The following ANK1 variants were observed in gnomAD, a reference collection of about 807,000 sequenced individuals.
ANK1 encodes ankyrin 1.
A neutral mutation model predicts 210.4 loss-of-function variants in ANK1; 51 were observed. The observed-to-expected ratio is 0.24, with a 90% confidence interval of 0.19 to 0.31. The LOEUF (loss-of-function observed/expected upper bound fraction) is 0.31. ANK1 is among the 10% of genes least tolerant of loss of function. The probability of loss-of-function intolerance (pLI) is 1.00; values close to 1 mark genes in which losing one functional copy is unlikely to be tolerated. For missense variants in ANK1, 2,051 were observed against 2,504.4 expected, an observed-to-expected ratio of 0.82 and a Z score of 3.86; for synonymous variants, 967 against 1,025.9, an observed-to-expected ratio of 0.94 and a Z score of 1.10.
At chr8:41,848,950 C>T (rs923678204) in intron 1 of ANK1, among the ~76,000 whole-genome samples, 1 of 152,212 alleles carries the variant, frequency 6.6e-6, no homozygotes, top group Non-Finnish European at 1.5e-5. Flanking sequence ...CCTGGTGCGA[C>T]CTGCCCCCAT....
intron 7 of ANK1, 27 bp downstream of exon 7, chr8:41,724,429 G>C: frequency 6.5e-7 from 1 of 1,537,858 alleles, no homozygotes; most frequent in Non-Finnish European, 8.8e-7. Flanking sequence ...CCCCCGGACA[G>C]TGAGGGCGCA....
intron 9 of ANK1, 68 bp from the exon 10 acceptor site, chr8:41,719,926 A>G: frequency 6.5e-7 from 1 of 1,543,632 alleles, no homozygotes; most frequent in Admixed American, 1.7e-5. Context: ...ATTCAGGACG[A>G]TTCCAACGTC....
chr8:41,665,979 G>GA (rs1810403073), intron 39 of ANK1: 1 of 152,244 alleles, frequency 6.6e-6, no homozygotes, highest in African/African-American at 2.4e-5. Context: ...GCTGCGGCTG[G>GA]AAAAAATTTC....
At chr8:41,703,438 ATATATATATATATT>A (rs1227376067) in intron 20 of ANK1, among the ~76,000 whole-genome samples, 2 of 68,534 alleles carry the variant, frequency 2.9e-5, no homozygotes, top group South Asian at 6.7e-4. Context: ...ATATATATAT[ATATATATATATATT>A]TTTTTTTTTT....
chr8:41,790,516 C>T (rs1847448664), intron 1 of ANK1, among the ~76,000 whole-genome samples: 2 of 151,918 alleles, frequency 1.3e-5, no homozygotes, highest in Admixed American at 1.3e-4. Context: ...AGCGAGCTTC[C>T]CCTTCCCTCC....
rs757201453 is a variant in ANK1 at position 41,655,586 on chromosome 8, ACAGT to A, written c.*200_*203del. ...ATTGAAGCCTGGAGGTCATGCGTCT[ACAGT>A]CAGTCATTCATGCCAAGAGGGGACT... On this transcript the variant is annotated 3_prime_UTR_variant, in exon 43 of 43. Transcript: ENST00000289734. 37 of 1,003,078 alleles carry A rather than the reference ACAGT, an allele frequency of 3.7e-5. No homozygotes were observed. Among genetic ancestry groups the A allele is most frequent in the Non-Finnish European group, 5.7e-5 (37 of 650,108 alleles). The allele number at this position is 1,003,078 out of a possible 1,614,324, so 62.1% of individuals were successfully genotyped here. A position where few individuals can be genotyped will look rare whatever the true frequency, so the allele number is the denominator to read the frequency against.
At chr8:41,690,433 T>G (rs755839838) in intron 32 of ANK1, 41 bp downstream of exon 32, 6 of 1,614,040 alleles carry the variant, frequency 3.7e-6, no homozygotes, top group Non-Finnish European at 4.2e-6. Flanking sequence ...CTCCCCAACT[T>G]TCTAGACCCA....
At chr8:41,764,987 G>A (rs1324880060) in intron 1 of ANK1, among the ~76,000 whole-genome samples, 1 of 152,172 alleles carries the variant, frequency 6.6e-6, no homozygotes, top group East Asian at 1.9e-4. Flanking sequence ...ATGTAGCATG[G>A]CCAGGATTTG....
chr8:41,799,923 C>T (rs185565034), upstream of ANK1, among the ~76,000 whole-genome samples: 160 of 152,252 alleles, frequency 1.1e-3, 1 homozygote, highest in Middle Eastern at 3.4e-3. Context: ...GAAGCAGCTG[C>T]CCCCGTGACA....
upstream of ANK1, among the ~76,000 whole-genome samples, chr8:41,800,049 C>T (rs1849620036): frequency 6.6e-6 from 1 of 152,102 alleles, no homozygotes; most frequent in Non-Finnish European, 1.5e-5. Flanking sequence ...TACCTTGTTT[C>T]CCTCGAGTCT....
At chr8:41,677,833 A>G (rs996638831) in intron 37 of ANK1, among the ~76,000 whole-genome samples, 1 of 151,552 alleles carries the variant, frequency 6.6e-6, no homozygotes, top group Non-Finnish European at 1.5e-5. Context: ...CAAGTGATCC[A>G]CCCACCTCGA....
chr8:41,664,874 C>G, intron 39 of ANK1: 2 of 1,614,002 alleles, frequency 1.2e-6, no homozygotes, highest in Admixed American at 1.7e-5. Flanking sequence ...GGCCCTCGCT[C>G]TCCCCCAGCT....
intron 1 of ANK1, chr8:41,829,047 T>A (rs1806076421): frequency 6.6e-6 from 1 of 152,280 alleles, no homozygotes; most frequent in African/African-American, 2.4e-5. Flanking sequence ...GTCTCGCGTC[T>A]AGACCGGTCC....
rs565713097 is a variant in ANK1, at chr8:41,871,598, C to T, written c.126+24757G>A. On this transcript the variant is annotated intron_variant, in intron 1 of 42. Transcript: ENST00000265709. ...AGTGCAAAAGATTGCCCACAGACCA[C>T]CAGGAGCCAGGAGAGGGGCCTGGAC... is the stretch of plus-strand genomic sequence containing the variant. Among the ~76,000 whole-genome samples the T allele has an allele frequency of 4.6e-5, 7 of 152,294 alleles. No individual in the cohort carries two copies. The East Asian group carries it at 1.4e-3, about 29-fold the overall frequency.
At chr8:41,664,988 C>A in intron 39 of ANK1, 8 of 1,614,142 alleles carry the variant, frequency 5.0e-6, no homozygotes, top group Non-Finnish European at 6.8e-6. Context: ...TCAGCAGCAC[C>A]AGCGTGACCA....
At chr8:41,871,979 A>G (rs1301916738) in intron 1 of ANK1, among the ~76,000 whole-genome samples, 1 of 152,004 alleles carries the variant, frequency 6.6e-6, no homozygotes, top group Admixed American at 6.6e-5. Flanking sequence ...AGGCACCCAC[A>G]CTCCAGATGA....
intron 16 of ANK1, among the ~76,000 whole-genome samples, chr8:41,710,673 C>T (rs904628798): frequency 2.0e-5 from 3 of 152,244 alleles, no homozygotes; most frequent in African/African-American, 4.8e-5. Flanking sequence ...CAGATGGCTG[C>T]CCAACGTGGG....
At chr8:41,708,045 G>C (rs915733958) in intron 17 of ANK1, among the ~76,000 whole-genome samples, 1 of 152,168 alleles carries the variant, frequency 6.6e-6, no homozygotes, top group African/African-American at 2.4e-5. Context: ...GACTGCTAAC[G>C]GGTACGAGGT....
At chr8:41,702,239 T>C (rs1358567009) in intron 20 of ANK1, 95 bp from the exon 21 acceptor site, 23 of 1,030,046 alleles carry the variant, frequency 2.2e-5, no homozygotes, top group Non-Finnish European at 3.0e-5. Context: ...ACCTTCTAGT[T>C]GTTCAGGAGG....
Sources: allele counts gnomAD v4.1 joint callset (sites outside exome capture counted in the v4.1 genomes callset), GRCh38; gene constraint gnomAD v4.1.1; transcripts MANE v1.5; gene names NCBI Gene and HGNC (gene_info 2026-07-23, HGNC 2026-07-21).